FASN: variants seen among roughly 807,000 people sequenced by gnomAD.
FASN encodes fatty acid synthase, also known as 3-hydroxyacyl-[acyl-carrier-protein] dehydratase.
A neutral mutation model predicts 250.0 loss-of-function variants in FASN; 50 were observed. The ratio of observed to expected loss-of-function variants is 0.20; its 90% CI spans 0.16 to 0.25. FASN has a LOEUF of 0.25. Ranked by LOEUF, FASN falls within the 10% of genes least tolerant of loss-of-function variation. The pLI, the probability that FASN is intolerant of heterozygous loss-of-function variation, is 1.00. For missense variants in FASN, 3,031 were observed against 3,498.5 expected, an observed-to-expected ratio of 0.87 and a Z score of 3.37; for synonymous variants, 1,909 against 1,584.0, an observed-to-expected ratio of 1.21 and a Z score of -4.87.
rs746294257 is a variant in FASN at position 82,090,441 on chromosome 17, C to T, written c.1804G>A (p.Ala602Thr). 2.0e-5 allele frequency: 32 copies of T among 1,603,932 alleles called. No individual in the cohort carries two copies. The highest frequency in any genetic ancestry group is 2.7e-5 in the African/African-American group (2 of 74,772). The change falls in exon 11 of 43, where the codon GCT becomes ACT. Residue 602 changes from alanine (A) to threonine (T), a missense_variant. Physicochemically the swap from Ala to Thr is moderately conservative, Grantham distance 58 (BLOSUM62 0). Transcript: ENST00000306749. ...ATGCACTGTCCCCTCCAGTAGGCAG[C>T]GAGGACGGCCTCCTCCTGGGACAGG... ...GCLSQEEAVL[A>T]AYWRGQCIKE...
Position 82,088,554 on chromosome 17 carries a change from G to C in FASN, c.2429C>G (p.Ala810Gly). 6.2e-7 allele frequency: 1 copy of C among 1,605,234 alleles called. No homozygotes were observed. Among genetic ancestry groups the C allele is most frequent in the Non-Finnish European group, 8.5e-7 (1 of 1,174,990 alleles). Residue 810 changes from alanine (A) to glycine (G), a missense_variant, in exon 16 of 43, where the codon GCC (alanine) becomes GGC (glycine). Ala to Gly is a moderately conservative substitution (Grantham distance 60). Transcript: ENST00000306749. ...AGGTGGGAACAAGGCATTGGGGTTG[G>C]CGTCGATGCTACGGAGAAGGGAGGC... ...IGRLHLSGIDANPNALFPPVE... is the reference protein window; with the variant it reads ...IGRLHLSGIDGNPNALFPPVE...
In FASN at chr17:82,085,128, C is replaced by T. The variant is rs774722489; in HGVS notation, c.4316G>A (p.Arg1439Gln). The change falls in exon 25 of 43, where the codon CGG (arginine) becomes CAG (glutamine). Residue 1439 changes from arginine to glutamine, a missense_variant. Arg to Gln is a conservative substitution (Grantham distance 43). Coordinates refer to ENST00000306749, the MANE Select transcript of FASN (RefSeq NM_004104.5). ...KGILADEDSS[R>Q]PVWLKAINCA... ...GTTGATGGCCTTCAGCCACACAGGC[C>T]GGGAAGAGTCTTCGTCAGCCAGGAT... 3.8e-5 allele frequency: 61 copies of T among 1,611,136 alleles called. No homozygotes were observed. Among genetic ancestry groups the T allele is most frequent in the South Asian group, 4.4e-5 (4 of 91,076 alleles).
chr17:82,079,368 T>C lies in FASN; in HGVS notation c.7387A>G (p.Asn2463Asp). 6.2e-7 allele frequency: 1 copy of C among 1,612,968 alleles called. No individual in the cohort carries two copies. Among genetic ancestry groups the C allele is most frequent in the Non-Finnish European group, 8.5e-7 (1 of 1,179,970 alleles). Residue 2463 changes from asparagine (N) to aspartate (D), a missense_variant, in exon 42 of 43, where the codon AAC (asparagine) becomes GAC (aspartate). By Grantham distance (23) the Asn-to-Asp change is conservative. Transcript: ENST00000306749. ...GGCCCCTTGCGCACCTGGGAGAGGT[T>C]GTAGTCCGCGCCCAGGTCCTCGCCG... ...AYGEDLGADYNLSQVCDGKVS... is the reference protein window; with the variant it reads ...AYGEDLGADYDLSQVCDGKVS...
chr17:82,092,402 C>T, intron 8 of FASN, 53 bp downstream of exon 8: 2 of 1,539,372 alleles, frequency 1.3e-6, no homozygotes. Context: ...CATGGCGCAA[C>T]CCAGTCCCAG....
rs1161612898 is a variant in FASN, at chr17:82,079,289, G to A, written c.7399-9C>T. On this transcript the variant is annotated splice_polypyrimidine_tract_variant and intron_variant, in intron 42 of 42. Transcript: ENST00000306749. ...ACTTTCCCGTCGCATACCTGCAGGG[G>A]ATGCGATCAGCTGCCGTCCCACCCC... is the stretch of plus-strand genomic sequence containing the variant. 6.2e-7 allele frequency: 1 copy of A among 1,612,922 alleles called. No homozygotes were observed. Among genetic ancestry groups the A allele is most frequent in the Non-Finnish European group, 8.5e-7 (1 of 1,179,944 alleles).
At chr17:82,079,314 C>T (rs1204243323) in intron 42 of FASN, 34 bp from the exon 43 acceptor site, 2 of 1,612,896 alleles carry the variant, frequency 1.2e-6, no homozygotes, top group African/African-American at 1.3e-5. Context: ...CGTCCCACCC[C>T]ACTCCTGTCC....
intron 11 of FASN, among the ~76,000 whole-genome samples, chr17:82,089,931 C>T (rs2034173716): frequency 6.6e-6 from 1 of 152,210 alleles, no homozygotes; most frequent in African/African-American, 2.4e-5. Context: ...CCAGGGGCAG[C>T]TCCTGGGAGC....
chr17:82,096,191 G>A (rs2034299204), intron 2 of FASN, 128 bp downstream of exon 2: 2 of 1,457,636 alleles, frequency 1.4e-6, no homozygotes, highest in Middle Eastern at 1.9e-4. Flanking sequence ...CAGTGGCTCT[G>A]CAGCTGGGAC....
chr17:82,084,449 T>G (rs767982514), intron 27 of FASN, 64 bp downstream of exon 27: 13 of 1,584,836 alleles, frequency 8.2e-6, no homozygotes, highest in Non-Finnish European at 1.1e-5. Context: ...CCCAGGCAGG[T>G]CCTAGCTGCT....
chr17:82,095,520 G>A (rs372970525), intron 2 of FASN, 48 bp from the exon 3 acceptor site: 41 of 1,606,006 alleles, frequency 2.6e-5, no homozygotes, highest in Non-Finnish European at 3.1e-5. Flanking sequence ...CTGCCCAGAG[G>A]TGGGGGCCCT....
At chr17:82,093,446 G>T in intron 4 of FASN, 27 bp from the exon 5 acceptor site, 1 of 1,590,238 alleles carries the variant, frequency 6.3e-7, no homozygotes, top group South Asian at 1.1e-5. Flanking sequence ...TGCGGCTCAG[G>T]TGGGGCTGTG....
intron 24 of FASN, 28 bp downstream of exon 24, chr17:82,085,210 G>A (rs1237521961): frequency 1.2e-6 from 2 of 1,612,296 alleles, no homozygotes; most frequent in Non-Finnish European, 1.7e-6. Context: ...GAGGTGGGGT[G>A]GGGCCTGGAG....
In FASN at chr17:82,081,283, C is replaced by A. The variant is rs763418387; in HGVS notation, c.6476G>T (p.Ser2159Ile). 1 of 1,563,526 alleles carries A rather than the reference C, an allele frequency of 6.4e-7. No homozygotes were observed. Among genetic ancestry groups the A allele is most frequent in the Admixed American group, 1.9e-5 (1 of 52,582 alleles). ...CTCCAGCGTCTGGCGCACCTCCACG[C>A]TCATGAGCGAGTCCAGGCCCAGGTC... Reference protein sequence around the residue: ...LADLGLDSLMSVEVRQTLERE... With the variant: ...LADLGLDSLMIVEVRQTLERE... The change falls in exon 38 of 43, where the codon AGC becomes ATC. Residue 2159 changes from serine (S) to isoleucine (I), a missense_variant. Transcript: ENST00000306749.
chr17:82,079,498 C>T lies in FASN; in HGVS notation c.7257G>A (p.Ala2419=), dbSNP rs1247099128. 1.6e-5 allele frequency: 26 copies of T among 1,612,370 alleles called. No individual in the cohort carries two copies. The highest frequency in any genetic ancestry group is 2.2e-5 in the East Asian group (1 of 44,872). The change falls in exon 42 of 43, where the codon GCG becomes GCA. Residue 2419 remains alanine (A), a synonymous_variant. Coordinates refer to ENST00000306749, the MANE Select transcript of FASN (RefSeq NM_004104.5). ...QGLDRQELSF[A]ARSFYYKLRA... ...GCAGCTTGTAGTAGAAGGACCGGGC[C>T]GCAAAGCTCAGCTCCTGGCGGTCCA... is the stretch of plus-strand genomic sequence containing the variant.
chr17:82,081,088 G>A (rs2033978936), intron 38 of FASN, 76 bp downstream of exon 38: 1 of 1,503,234 alleles, frequency 6.7e-7, no homozygotes, highest in Non-Finnish European at 9.0e-7. Context: ...TGCCTGCCGG[G>A]ACACGGTCCA....
chr17:82,085,645 G>C lies in FASN; in HGVS notation c.3959C>G (p.Ala1320Gly). ...AGCTGAGGCCGGGTCCCCGAGGGCAGCCACAGCACAGTTGCACACCAGGAG... is the reference window on the plus strand; with the variant it reads ...AGCTGAGGCCGGGTCCCCGAGGGCACCCACAGCACAGTTGCACACCAGGAG... ...ADLLVCNCAV[A>G]ALGDPASALS... The change falls in exon 23 of 43, where the codon GCT becomes GGT. Residue 1320 changes from alanine to glycine, a missense_variant. Coordinates refer to ENST00000306749, the MANE Select transcript of FASN (RefSeq NM_004104.5). The C allele has an allele frequency of 6.3e-7, 1 of 1,594,144 alleles. No individual in the cohort carries two copies. The highest frequency in any genetic ancestry group is 1.7e-5 in the Admixed American group (1 of 57,548).
intron 41 of FASN, 70 bp from the exon 42 acceptor site, chr17:82,079,678 G>A: frequency 1.3e-6 from 2 of 1,532,934 alleles, no homozygotes; most frequent in Non-Finnish European, 1.7e-6. Flanking sequence ...CTACACTGCG[G>A]GTGGGCTTTT....
At chr17:82,082,296 G>A in intron 35 of FASN, 27 bp downstream of exon 35, 1 of 1,610,908 alleles carries the variant, frequency 6.2e-7, no homozygotes, top group East Asian at 2.2e-5. Flanking sequence ...CCCGGCAGAG[G>A]CGGGAGCAGG....
At chr17:82,091,160 G>A in intron 9 of FASN, 62 bp downstream of exon 9, 2 of 1,599,404 alleles carry the variant, frequency 1.3e-6, no homozygotes. Context: ...GGGACCACCA[G>A]CTCCAGTTCG....
Sources: gnomAD v4.1 joint callset for allele counts (sites outside exome capture counted in the v4.1 genomes callset) on GRCh38, gnomAD v4.1.1 for gene constraint, MANE v1.5 for transcripts, NCBI Gene and HGNC (gene_info 2026-07-23, HGNC 2026-07-21) for gene names.